The following KLF12 variants were observed in gnomAD, a reference collection of about 807,000 sequenced individuals.
KLF12 encodes KLF transcription factor 12.
A neutral mutation model predicts 37.8 loss-of-function variants in KLF12; 9 were observed. The ratio of observed to expected loss-of-function variants is 0.24; its 90% CI spans 0.14 to 0.42. The LOEUF is 0.42. Ranked by LOEUF, KLF12 falls within the 10% of genes least tolerant of loss-of-function variation. The pLI, the probability that KLF12 is intolerant of heterozygous loss-of-function variation, is 1.00. For synonymous variants in KLF12, 208 were observed against 202.1 expected (o/e 1.03, Z -0.25); for missense variants, 411 against 516.0 (o/e 0.80, Z 1.97).
the KLF12 span, among the ~76,000 whole-genome samples, chr13:74,159,439 G>A: frequency 1.3e-4 from 20 of 152,312 alleles, no homozygotes; most frequent in African/African-American, 4.6e-4. Flanking sequence ...TAAAGGAAGT[G>A]TATAATAATG....
At chr13:74,117,134 A>G (rs1877354103) in intron 1 of KLF12, among the ~76,000 whole-genome samples, 1 of 152,194 alleles carries the variant, frequency 6.6e-6, no homozygotes, top group African/African-American at 2.4e-5. Flanking sequence ...TTGATTCACA[A>G]TTAGAACAGC....
chr13:73,972,498 G>A (rs1003165586), intron 2 of KLF12, among the ~76,000 whole-genome samples: 1 of 151,254 alleles, frequency 6.6e-6, no homozygotes, highest in African/African-American at 2.4e-5. Context: ...CAGTAATATT[G>A]AGTATAACAC....
chr13:74,239,639 T>A, the KLF12 span, among the ~76,000 whole-genome samples: 1 of 118,352 alleles, frequency 8.4e-6, no homozygotes, highest in Non-Finnish European at 1.7e-5. Context: ...ATTGGGTGCA[T>A]ATATATTTAG....
Position 73,866,587 on chromosome 13 carries a change from A to G in KLF12, c.124-20214T>C, listed in dbSNP as rs553495100. 2.0e-5 allele frequency among the ~76,000 whole-genome samples: 3 copies of G among 152,282 alleles called. No individual in the cohort carries two copies. In the South Asian group the frequency reaches 6.2e-4, roughly 32 times the overall value. ...TTACATTCTGAAATAAAAAAAAATA[A>G]AACAATTGACAACTTTGATACTTTT... On this transcript the variant is annotated intron_variant, in intron 3 of 7. Coordinates refer to ENST00000377669, the MANE Select transcript of KLF12 (RefSeq NM_007249.5).
At chr13:74,092,879 A>T (rs2138828871) in intron 1 of KLF12, among the ~76,000 whole-genome samples, 1 of 152,324 alleles carries the variant, frequency 6.6e-6, no homozygotes, top group African/African-American at 2.4e-5. Context: ...CAAATTGTCA[A>T]AAGTGGCACC....
chr13:73,993,173 A>T (rs766207223), intron 2 of KLF12, among the ~76,000 whole-genome samples: 11 of 152,220 alleles, frequency 7.2e-5, no homozygotes, highest in Non-Finnish European at 1.5e-4. Context: ...CAGAGGTTGC[A>T]GTAAGCCGAG....
chr13:74,062,251 T>C (rs1873639272), intron 1 of KLF12, among the ~76,000 whole-genome samples: 2 of 151,704 alleles, frequency 1.3e-5, no homozygotes. Context: ...TTTTCATCAG[T>C]GAAGCTCAAA....
the KLF12 span, among the ~76,000 whole-genome samples, chr13:74,205,115 A>G: frequency 3.2e-4 from 49 of 152,196 alleles, no homozygotes; most frequent in African/African-American, 1.1e-3. Context: ...CTCTGTGAAT[A>G]GCCTAAAAAC....
the KLF12 span, among the ~76,000 whole-genome samples, chr13:74,266,381 T>C: frequency 2.0e-5 from 3 of 152,114 alleles, no homozygotes; most frequent in Admixed American, 6.6e-5. Flanking sequence ...TATGAATGAG[T>C]CACAAGCTCA....
At chr13:73,704,953 A>G (rs971795447) in intron 7 of KLF12, among the ~76,000 whole-genome samples, 1 of 152,344 alleles carries the variant, frequency 6.6e-6, no homozygotes, top group Non-Finnish European at 1.5e-5. Flanking sequence ...AGAGTAATCT[A>G]TTTTGTGAGA....
chr13:73,721,870 T>C (rs528614739), intron 6 of KLF12, among the ~76,000 whole-genome samples: 2 of 152,258 alleles, frequency 1.3e-5, no homozygotes, highest in South Asian at 4.1e-4. Context: ...TTTCTTAAAG[T>C]TGTTATAAAC....
chr13:73,865,928 C>A (rs7990760), intron 3 of KLF12, among the ~76,000 whole-genome samples: 1 of 152,208 alleles, frequency 6.6e-6, no homozygotes, highest in African/African-American at 2.4e-5. Flanking sequence ...AAAATGAGAA[C>A]GTAGTTCAAG....
rs542734410 is a variant in KLF12 at position 73,744,815 on chromosome 13, A to G, written c.869+20123T>C. On this transcript the variant is annotated intron_variant, in intron 6 of 7. Transcript: ENST00000377669. ...TATGCATGTCTACGCATAGGTGAGC[A>G]TACGCATGTCTCTACATTATTAGGG... 6.1e-4 allele frequency among the ~76,000 whole-genome samples: 93 copies of G among 152,332 alleles called. 1 individual carries two copies. Among genetic ancestry groups the G allele is most frequent in the Non-Finnish European group, 1.1e-3 (73 of 68,024 alleles).
At chr13:73,732,535 T>A (rs538001071) in intron 6 of KLF12, among the ~76,000 whole-genome samples, 68 of 151,964 alleles carry the variant, frequency 4.5e-4, no homozygotes, top group African/African-American at 1.6e-3. Context: ...GGCAGAGGAG[T>A]TGCTCAATAG....
the KLF12 span, among the ~76,000 whole-genome samples, chr13:74,270,802 A>G: frequency 2.6e-5 from 4 of 152,140 alleles, no homozygotes; most frequent in Non-Finnish European, 5.9e-5. Context: ...GTCATGGACT[A>G]TGCACTTAAT....
At chr13:74,221,002 G>GTTT in the KLF12 span, among the ~76,000 whole-genome samples, 1 of 147,384 alleles carries the variant, frequency 6.8e-6, no homozygotes, top group Admixed American at 6.7e-5. Flanking sequence ...TTGTTTGCTT[G>GTTT]TTTGTTTTTT....
the KLF12 span, among the ~76,000 whole-genome samples, chr13:74,183,155 C>T: frequency 6.6e-6 from 1 of 152,164 alleles, no homozygotes; most frequent in Non-Finnish European, 1.5e-5. Flanking sequence ...AATTGAGTGT[C>T]TACTATGTAC....
At chr13:73,762,811 C>G (rs566429913) in intron 6 of KLF12, among the ~76,000 whole-genome samples, 26 of 152,294 alleles carry the variant, frequency 1.7e-4, no homozygotes, top group African/African-American at 6.3e-4. Flanking sequence ...TATCACTTTA[C>G]TAGAAGTACA....
chr13:73,736,130 C>A (rs1289370053), intron 6 of KLF12, among the ~76,000 whole-genome samples: 1 of 152,132 alleles, frequency 6.6e-6, no homozygotes, highest in Non-Finnish European at 1.5e-5. Context: ...TCATTCTAGA[C>A]TGTCACTCCT....
Sources: allele counts gnomAD v4.1 joint callset (sites outside exome capture counted in the v4.1 genomes callset), GRCh38; gene constraint gnomAD v4.1.1; transcripts MANE v1.5; gene names NCBI Gene and HGNC (gene_info 2026-07-23, HGNC 2026-07-21).